CCM2L: variants seen among roughly 807,000 people sequenced by gnomAD.
The protein encoded by CCM2L is cerebral cavernous malformations 2 protein-like.
CCM2L carries 36 observed loss-of-function variants against 54.1 expected under a neutral mutation model. The observed-to-expected ratio is 0.67, with a 90% CI of 0.51 to 0.88. CCM2L has a LOEUF of 0.88. Among genes scored for constraint, CCM2L ranks in the 40% least tolerant of loss-of-function variants. The probability of loss-of-function intolerance (pLI) is 0.00; values close to 1 mark genes in which losing one functional copy is unlikely to be tolerated. For missense variants in CCM2L, 700 were observed against 812.1 expected (o/e 0.86, Z 1.68); for synonymous variants, 351 against 359.3 (o/e 0.98, Z 0.26).
chr20:32,024,336 T>C (rs2064834450), intron 6 of CCM2L, among the ~76,000 whole-genome samples: 1 of 152,206 alleles, frequency 6.6e-6, no homozygotes, highest in Non-Finnish European at 1.5e-5. Context: ...ACAAGGATGA[T>C]AGGCAAATAA....
intron 1 of CCM2L, 84 bp downstream of exon 1, chr20:32,010,568 C>T (rs993423451): frequency 7.9e-6 from 7 of 883,590 alleles, no homozygotes; most frequent in South Asian, 2.9e-5. Context: ...GGTGGGGGGT[C>T]GGTAGCGAGG....
chr20:32,019,876 G>A (rs189447916), intron 5 of CCM2L, among the ~76,000 whole-genome samples: 1 of 152,332 alleles, frequency 6.6e-6, no homozygotes, highest in African/African-American at 2.4e-5. Context: ...AGGTCACACA[G>A]GAAGCACGTG....
intron 2 of CCM2L, among the ~76,000 whole-genome samples, chr20:32,015,891 C>A (rs2064737755): frequency 7.8e-6 from 1 of 128,836 alleles, no homozygotes; most frequent in Non-Finnish European, 1.6e-5. Context: ...GAGTCTCATT[C>A]TGTCTCCCAG....
chr20:32,022,754 A>G lies in CCM2L; in HGVS notation c.1028A>G (p.His343Arg), dbSNP rs1172015472. Reference protein sequence around the residue: ...SIECVDRAGYHYTSTPERPWL... With the variant: ...SIECVDRAGYRYTSTPERPWL... ...GAGTGTGTGGACCGGGCTGGCTACC[A>G]CTACACATCCACACCTGAACGGCCA... is the stretch of plus-strand genomic sequence containing the variant. The change falls in exon 6 of 10, where the codon CAC becomes CGC. Residue 343 changes from histidine to arginine, a missense_variant. Physicochemically the swap from His to Arg is conservative, Grantham distance 29. Coordinates refer to ENST00000452892, the MANE Select transcript of CCM2L (RefSeq NM_001365692.1). The G allele has an allele frequency of 6.2e-7, 1 of 1,613,464 alleles. No individual in the cohort carries two copies. Among genetic ancestry groups the G allele is most frequent in the African/African-American group, 1.3e-5 (1 of 74,798 alleles).
chr20:32,010,560 T>TGGGGGGTGGGGGGGGGGGG, intron 1 of CCM2L, 76 bp downstream of exon 1: 1 of 105,748 alleles, frequency 9.5e-6, no homozygotes, highest in African/African-American at 8.8e-5. Context: ...TGGGGCGGGG[T>TGGGGGGTGGGGGGGGGGGG]GGGGGGTCGG....
chr20:32,029,729 C>T lies in CCM2L; in HGVS notation c.1293C>T (p.Ile431=), dbSNP rs2064901797. The change falls in exon 9 of 10, where the codon ATC becomes ATT. Residue 431 remains isoleucine (I), a synonymous_variant. Transcript: ENST00000452892. ...TLRSKLGPLE[I]QQFAMLLREY... is the part of the protein sequence containing the mutation. ...GGAGTAAGCTGGGGCCCCTCGAGAT[C>T]CAGCAGTTTGCGATGCTGCTGCGGG... 6.2e-7 allele frequency: 1 copy of T among 1,612,936 alleles called. No homozygotes were observed. The highest frequency in any genetic ancestry group is 8.5e-7 in the Non-Finnish European group (1 of 1,179,350).
In CCM2L at chr20:32,022,738, G is replaced by T. The variant is rs756229363; in HGVS notation, c.1012G>T (p.Asp338Tyr). Reference sequence around the variant, plus strand: ...CGGGGACCAGAGTATTGAGTGTGTGGACCGGGCTGGCTACCACTACACATC... The same window carrying T: ...CGGGGACCAGAGTATTGAGTGTGTGTACCGGGCTGGCTACCACTACACATC... ...IYGDQSIECV[D>Y]RAGYHYTSTP... is the part of the protein sequence containing the mutation. Residue 338 changes from aspartate (D) to tyrosine (Y), a missense_variant, in exon 6 of 10, where the codon GAC becomes TAC. Asp to Tyr is a radical substitution (Grantham distance 160). Coordinates refer to ENST00000452892, the MANE Select transcript of CCM2L (RefSeq NM_001365692.1). 1 of 1,613,838 alleles carries T rather than the reference G, an allele frequency of 6.2e-7. No individual in the cohort carries two copies. The highest frequency in any genetic ancestry group is 1.1e-5 in the South Asian group (1 of 91,052).
chr20:32,013,447 TTG>T (rs2064710996), intron 1 of CCM2L, among the ~76,000 whole-genome samples: 1 of 151,792 alleles, frequency 6.6e-6, no homozygotes, highest in South Asian at 2.1e-4. Flanking sequence ...TGGGGGTTGT[TTG>T]TTTTGTTCCT....
Position 32,018,983 on chromosome 20 carries a change from C to G in CCM2L, c.507C>G (p.Ser169Arg). Residue 169 changes from serine (S) to arginine (R), a missense_variant, in exon 5 of 10, where the codon AGC (serine) becomes AGG (arginine). By Grantham distance (110) the Ser-to-Arg change is moderately radical (BLOSUM62 -1). Coordinates refer to ENST00000452892, the MANE Select transcript of CCM2L (RefSeq NM_001365692.1). Reference protein sequence around the residue: ...VDPVPAGVDASPGGAGRDPGP... With the variant: ...VDPVPAGVDARPGGAGRDPGP... Reference sequence around the variant, plus strand: ...CGGTGCCGGCCGGCGTGGATGCCAGCCCAGGCGGCGCAGGACGCGACCCCG... The same window carrying G: ...CGGTGCCGGCCGGCGTGGATGCCAGGCCAGGCGGCGCAGGACGCGACCCCG... The G allele has an allele frequency of 7.1e-7, 1 of 1,401,156 alleles. No homozygotes were observed. The allele number at this position is 1,401,156 out of a possible 1,614,324, so 86.8% of individuals were successfully genotyped here.
Position 32,018,154 on chromosome 20 carries a change from T to C in CCM2L, c.458T>C (p.Leu153Pro). 6 of 1,375,606 alleles carry C rather than the reference T, an allele frequency of 4.4e-6. No homozygotes were observed. Among genetic ancestry groups the C allele is most frequent in the Non-Finnish European group, 4.8e-6 (5 of 1,042,448 alleles). The allele number at this position is 1,375,606 out of a possible 1,614,324, so 85.2% of individuals were successfully genotyped here. A position where few individuals can be genotyped will look rare whatever the true frequency, so the allele number is the denominator to read the frequency against. ...GACGACGCGCTGCACCTGCTAGTGC[T>C]CAAGACCGGTGCGGCGGGAGGGGGC... is the stretch of plus-strand genomic sequence containing the variant. ...LQDDALHLLVLKTGLGVDPVP... is the reference protein window; with the variant it reads ...LQDDALHLLVPKTGLGVDPVP... Residue 153 changes from leucine (L) to proline (P), a missense_variant, in exon 4 of 10, where the codon CTC (leucine) becomes CCC (proline). Leu to Pro is a moderately conservative substitution (Grantham distance 98). Coordinates refer to ENST00000452892, the MANE Select transcript of CCM2L (RefSeq NM_001365692.1).
At chr20:32,017,424 T>C (rs2064749652) in intron 2 of CCM2L, among the ~76,000 whole-genome samples, 1 of 152,194 alleles carries the variant, frequency 6.6e-6, no homozygotes, top group Non-Finnish European at 1.5e-5. Flanking sequence ...TAATAACTTT[T>C]GCTTCCCTAT....
In CCM2L at chr20:32,031,422, G is replaced by A. The variant is rs1043140075; in HGVS notation, c.*108G>A. Reference sequence around the variant, plus strand: ...CCCATCACACCTGGCGGGGCCGGGGGGTCTTCACTCCAGGGTCTCGCTCCC... The same window carrying A: ...CCCATCACACCTGGCGGGGCCGGGGAGTCTTCACTCCAGGGTCTCGCTCCC... On this transcript the variant is annotated 3_prime_UTR_variant, in exon 10 of 10. Transcript: ENST00000452892. The A allele has an allele frequency of 1.1e-6, 1 of 949,082 alleles. No homozygotes were observed. The highest frequency in any genetic ancestry group is 3.7e-5 in the Admixed American group (1 of 27,112). 58.8% of individuals were successfully genotyped at this position (949,082 alleles called of 1,614,324 possible). A position where few individuals can be genotyped will look rare whatever the true frequency, so the allele number is the denominator to read the frequency against.
chr20:32,023,347 G>A (rs1463588431), intron 6 of CCM2L, among the ~76,000 whole-genome samples: 1 of 152,210 alleles, frequency 6.6e-6, no homozygotes, highest in Admixed American at 6.5e-5. Context: ...GCCCCCTAGA[G>A]CTGAACTCTT....
chr20:32,011,717 AAG>A (rs1228487665), intron 1 of CCM2L, among the ~76,000 whole-genome samples: 2 of 151,956 alleles, frequency 1.3e-5, no homozygotes, highest in Admixed American at 6.6e-5. Context: ...GTGGGTAGGG[AAG>A]AGTGTTTGAG....
chr20:32,018,213 G>GAGGGGCGGGGGCGGGGGCGGGGC (rs1317766316), intron 4 of CCM2L, 51 bp downstream of exon 4: 1 of 176,280 alleles, frequency 5.7e-6, no homozygotes, highest in Non-Finnish European at 9.5e-6. Flanking sequence ...GGGGGCGGGG[G>GAGGGGCGGGGGCGGGGGCGGGGC]AGGGGCGGGG....
At chr20:32,024,276 C>G (rs1397827305) in intron 6 of CCM2L, among the ~76,000 whole-genome samples, 1 of 152,208 alleles carries the variant, frequency 6.6e-6, no homozygotes, top group African/African-American at 2.4e-5. Flanking sequence ...AGAAGACCCT[C>G]GCATCTGTGG....
intron 5 of CCM2L, among the ~76,000 whole-genome samples, chr20:32,019,613 C>T (rs995134363): frequency 1.3e-5 from 2 of 152,144 alleles, no homozygotes; most frequent in Admixed American, 1.3e-4. Flanking sequence ...GATGAACTCT[C>T]AAAATGGCCA....
chr20:32,015,197 G>C (rs1466829079), intron 2 of CCM2L, 126 bp downstream of exon 2: 4 of 983,034 alleles, frequency 4.1e-6, no homozygotes, highest in Non-Finnish European at 5.7e-6. Context: ...AAAGAGGCCT[G>C]GGTTCATGTC....
intron 8 of CCM2L, among the ~76,000 whole-genome samples, chr20:32,029,394 G>C (rs935054744): frequency 1.3e-5 from 2 of 152,130 alleles, no homozygotes; most frequent in Non-Finnish European, 2.9e-5. Context: ...ACAACCCCAA[G>C]AAGAAAATAC....
Sources: allele counts gnomAD v4.1 joint callset (sites outside exome capture counted in the v4.1 genomes callset), GRCh38; gene constraint gnomAD v4.1.1; transcripts MANE v1.5; gene names NCBI Gene and HGNC (gene_info 2026-07-23, HGNC 2026-07-21).